LGSN: variants seen among roughly 807,000 people sequenced by gnomAD.
The protein encoded by LGSN is lengsin.
LGSN carries 21 observed loss-of-function variants against 19.5 expected under a neutral mutation model. That is an observed-to-expected ratio of 1.07 (90% CI 0.76 to 1.55). The LOEUF (loss-of-function observed/expected upper bound fraction) is 1.55, where lower values mean the gene tolerates loss of function less well. Ranked by LOEUF, LGSN falls within the 40% of genes most tolerant of loss-of-function variation. The probability of loss-of-function intolerance (pLI) is 0.00; values close to 1 mark genes in which losing one functional copy is unlikely to be tolerated. For synonymous variants in LGSN, 257 were observed against 215.6 expected (o/e 1.19, Z -1.68); for missense variants, 673 against 608.5 (o/e 1.11, Z -1.12).
At chr6:63,306,023 C>T (rs1768371426) in intron 1 of LGSN, among the ~76,000 whole-genome samples, 1 of 151,974 alleles carries the variant, frequency 6.6e-6, no homozygotes, top group African/African-American at 2.4e-5. Context: ...GCCAAGATCG[C>T]ACCACTGCAC....
intron 3 of LGSN, among the ~76,000 whole-genome samples, chr6:63,285,030 C>T (rs1469132885): frequency 6.6e-6 from 1 of 151,960 alleles, no homozygotes; most frequent in Non-Finnish European, 1.5e-5. Context: ...AAAACTGATA[C>T]AAAAAATTAA....
the LGSN span, among the ~76,000 whole-genome samples, chr6:63,386,690 G>A: frequency 6.6e-6 from 1 of 152,126 alleles, no homozygotes; most frequent in African/African-American, 2.4e-5. Context: ...AAGAACCCAT[G>A]TTCCTTTCCC....
At chr6:63,515,323 C>T in the LGSN span, among the ~76,000 whole-genome samples, 1 of 152,156 alleles carries the variant, frequency 6.6e-6, no homozygotes, top group African/African-American at 2.4e-5. Flanking sequence ...CCTCCGCCTC[C>T]CAGGCTCAAG....
intron 1 of LGSN, among the ~76,000 whole-genome samples, chr6:63,295,927 A>G (rs1767964506): frequency 6.6e-6 from 1 of 152,152 alleles, no homozygotes; most frequent in Non-Finnish European, 1.5e-5. Context: ...GGAGAGAGGA[A>G]AGTGACAGGG....
At chr6:63,513,441 A>G in the LGSN span, among the ~76,000 whole-genome samples, 103 of 152,160 alleles carry the variant, frequency 6.8e-4, 1 homozygote, top group Middle Eastern at 3.4e-3. Flanking sequence ...AAGGGGAGCC[A>G]TGGATAATGG....
At chr6:63,432,170 A>AAAG in the LGSN span, among the ~76,000 whole-genome samples, 1,197 of 96,370 alleles carry the variant, frequency 0.012, 56 homozygotes, top group South Asian at 0.016. Flanking sequence ...AGAAAGAAAG[A>AAAG]AAAGGAAAGA....
the LGSN span, among the ~76,000 whole-genome samples, chr6:63,459,396 T>C: frequency 6.6e-6 from 1 of 152,170 alleles, no homozygotes; most frequent in Non-Finnish European, 1.5e-5. Flanking sequence ...ATTATTGTAC[T>C]TTTTTGAATT....
the LGSN span, chr6:63,550,414 C>G: frequency 6.6e-6 from 1 of 152,078 alleles, no homozygotes; most frequent in Non-Finnish European, 1.5e-5. Flanking sequence ...TCAGACGACT[C>G]TACCTGAGGG....
chr6:63,471,135 T>G, the LGSN span, among the ~76,000 whole-genome samples: 1 of 144,908 alleles, frequency 6.9e-6, no homozygotes, highest in Non-Finnish European at 1.5e-5. Context: ...TTTTTGGTTG[T>G]TTTTTTTTGT....
the LGSN span, among the ~76,000 whole-genome samples, chr6:63,434,604 CAAAAAAA>C: frequency 2.7e-4 from 17 of 62,914 alleles, no homozygotes; most frequent in South Asian, 6.0e-4. Flanking sequence ...ACTAAAAATT[CAAAAAAA>C]AAAAAAAAAA....
the LGSN span, among the ~76,000 whole-genome samples, chr6:63,355,680 C>T: frequency 6.6e-6 from 1 of 152,052 alleles, no homozygotes; most frequent in African/African-American, 2.4e-5. Context: ...AGTACTCTGT[C>T]TTTTTGTTTT....
At chr6:63,471,476 G>A in the LGSN span, among the ~76,000 whole-genome samples, 1 of 151,770 alleles carries the variant, frequency 6.6e-6, no homozygotes, top group Admixed American at 6.6e-5. Flanking sequence ...GAGCAGCCTG[G>A]CCAACATGGT....
the LGSN span, among the ~76,000 whole-genome samples, chr6:63,515,774 A>G: frequency 6.6e-6 from 1 of 152,238 alleles, no homozygotes. Flanking sequence ...TAAGGAAAAG[A>G]ACAACAAATT....
chr6:63,373,529 A>T, the LGSN span, among the ~76,000 whole-genome samples: 4 of 152,338 alleles, frequency 2.6e-5, no homozygotes, highest in Middle Eastern at 0.01. Context: ...AGATACGTTT[A>T]CAAAATAACT....
chr6:63,554,150 A>C, the LGSN span, among the ~76,000 whole-genome samples: 2 of 152,236 alleles, frequency 1.3e-5, no homozygotes, highest in Non-Finnish European at 1.5e-5. Flanking sequence ...CAGAGGCAAT[A>C]AAAAGACTTT....
the LGSN span, among the ~76,000 whole-genome samples, chr6:63,477,266 G>A: frequency 6.6e-6 from 1 of 152,262 alleles, no homozygotes; most frequent in Non-Finnish European, 1.5e-5. Flanking sequence ...TGCTGTTCTA[G>A]AACAGTTAGT....
the LGSN span, among the ~76,000 whole-genome samples, chr6:63,564,862 C>A: frequency 6.6e-6 from 1 of 152,192 alleles, no homozygotes; most frequent in Non-Finnish European, 1.5e-5. Context: ...TCTTCTCAAA[C>A]TAGATTCCTC....
chr6:63,512,360 G>T, the LGSN span, among the ~76,000 whole-genome samples: 1 of 152,206 alleles, frequency 6.6e-6, no homozygotes, highest in Non-Finnish European at 1.5e-5. Flanking sequence ...TGGGATTACA[G>T]GCATGAGCCA....
At chr6:63,337,175 G>A in the LGSN span, among the ~76,000 whole-genome samples, 9 of 148,820 alleles carry the variant, frequency 6.0e-5, no homozygotes, top group African/African-American at 1.7e-4. Flanking sequence ...TGCCCGCCTC[G>A]GTCTCCCAAA....
Sources: allele counts gnomAD v4.1 joint callset (sites outside exome capture counted in the v4.1 genomes callset), GRCh38; gene constraint gnomAD v4.1.1; transcripts MANE v1.5; gene names NCBI Gene and HGNC (gene_info 2026-07-23, HGNC 2026-07-21).